Variants in NKAIN3 observed in about 807,000 individuals in gnomAD.
NKAIN3 encodes the protein sodium/potassium-transporting ATPase subunit beta-1-interacting protein 3.
NKAIN3 carries 25 observed loss-of-function variants against 30.2 expected under a neutral mutation model. The observed-to-expected ratio is 0.83, with a 90% CI of 0.60 to 1.16. NKAIN3 has a LOEUF of 1.16. Ranked by LOEUF, NKAIN3 falls within the 50% of genes most tolerant of loss-of-function variation. NKAIN3 has a pLI of 0.00. For synonymous variants in NKAIN3, 91 were observed against 89.6 expected (o/e 1.02, Z -0.09); for missense variants, 225 against 254.1 (o/e 0.89, Z 0.78).
chr8:62,937,707 G>A (rs1035813595), intron 5 of NKAIN3, among the ~76,000 whole-genome samples: 1 of 152,040 alleles, frequency 6.6e-6, no homozygotes, highest in Non-Finnish European at 1.5e-5. Context: ...GGGGGCAAAA[G>A]GGAAGTACAG....
chr8:62,430,822 G>A (rs553093796), intron 1 of NKAIN3, among the ~76,000 whole-genome samples: 3 of 151,826 alleles, frequency 2.0e-5, no homozygotes, highest in African/African-American at 7.2e-5. Flanking sequence ...GAAGATGGTG[G>A]TCTCCACATA....
At chr8:62,765,228 T>G (rs1816794168) in intron 4 of NKAIN3, among the ~76,000 whole-genome samples, 1 of 119,122 alleles carries the variant, frequency 8.4e-6, no homozygotes, top group African/African-American at 3.4e-5. Context: ...GCCTGGGTGA[T>G]GGTGTGAGAC....
chr8:62,606,291 A>G (rs1410102234), intron 3 of NKAIN3, among the ~76,000 whole-genome samples: 1 of 152,076 alleles, frequency 6.6e-6, no homozygotes, highest in African/African-American at 2.4e-5. Context: ...TGGCCTGAAA[A>G]TATCTGTTCA....
At chr8:62,884,524 T>C (rs1821086016) in intron 4 of NKAIN3, among the ~76,000 whole-genome samples, 1 of 152,230 alleles carries the variant, frequency 6.6e-6, no homozygotes. Context: ...CCCAAAGTGC[T>C]GGGATTACAG....
chr8:62,879,792 A>G (rs763343442), intron 4 of NKAIN3, among the ~76,000 whole-genome samples: 11 of 152,284 alleles, frequency 7.2e-5, no homozygotes, highest in Non-Finnish European at 1.5e-4. Flanking sequence ...GAGAATTGCA[A>G]TATCATACAC....
chr8:62,390,369 C>A (rs13250167), intron 1 of NKAIN3, among the ~76,000 whole-genome samples: 63,830 of 152,088 alleles, frequency 0.42, 15,665 homozygotes, highest in Non-Finnish European at 0.54. Flanking sequence ...CTGCAAAGGA[C>A]ATGAGCTTGT....
At chr8:62,316,352 C>T (rs888212119) in intron 1 of NKAIN3, among the ~76,000 whole-genome samples, 1 of 151,964 alleles carries the variant, frequency 6.6e-6, no homozygotes, top group Non-Finnish European at 1.5e-5. Flanking sequence ...CATATATATA[C>T]TTGTGCCATG....
chr8:62,660,131 G>A (rs1354691828), intron 3 of NKAIN3, among the ~76,000 whole-genome samples: 1 of 152,116 alleles, frequency 6.6e-6, no homozygotes, highest in East Asian at 1.9e-4. Context: ...AACTTGGTTG[G>A]GGAGGCAACA....
At chr8:62,859,766 C>T (rs1453207345) in intron 4 of NKAIN3, among the ~76,000 whole-genome samples, 2 of 152,102 alleles carry the variant, frequency 1.3e-5, no homozygotes, top group Non-Finnish European at 2.9e-5. Flanking sequence ...GTGGGTCTCA[C>T]TCTGCTAGAT....
intron 1 of NKAIN3, among the ~76,000 whole-genome samples, chr8:62,405,760 T>C (rs960722925): frequency 6.6e-6 from 1 of 152,198 alleles, no homozygotes; most frequent in African/African-American, 2.4e-5. Flanking sequence ...TGCTTTTTTA[T>C]GTGAATAGTT....
intron 5 of NKAIN3, among the ~76,000 whole-genome samples, chr8:62,948,802 C>T (rs1458960386): frequency 6.6e-6 from 1 of 152,172 alleles, no homozygotes; most frequent in Non-Finnish European, 1.5e-5. Flanking sequence ...TCAATTTGCC[C>T]AGTTCCAACC....
intron 1 of NKAIN3, among the ~76,000 whole-genome samples, chr8:62,527,922 A>T (rs565718688): frequency 3.6e-3 from 413 of 115,930 alleles, no homozygotes; most frequent in African/African-American, 0.01. Context: ...TGTGTGACAG[A>T]GAGACAGAGA....
intron 1 of NKAIN3, among the ~76,000 whole-genome samples, chr8:62,540,686 C>T (rs1250223395): frequency 6.6e-6 from 1 of 151,916 alleles, no homozygotes; most frequent in Non-Finnish European, 1.5e-5. Context: ...CCGAAGAGCT[C>T]CCTCAATCAT....
At chr8:62,475,848 G>A (rs1806501977) in intron 1 of NKAIN3, among the ~76,000 whole-genome samples, 1 of 152,164 alleles carries the variant, frequency 6.6e-6, no homozygotes, top group Non-Finnish European at 1.5e-5. Context: ...CTAATATGAA[G>A]CACAGTGGAG....
intron 1 of NKAIN3, among the ~76,000 whole-genome samples, chr8:62,369,921 A>G (rs1192040267): frequency 1.3e-5 from 2 of 151,918 alleles, no homozygotes; most frequent in Non-Finnish European, 2.9e-5. Flanking sequence ...CCAAGATAGA[A>G]AAAAAAAGTC....
chr8:62,947,708 G>A (rs1296119943), intron 5 of NKAIN3, among the ~76,000 whole-genome samples: 1 of 152,126 alleles, frequency 6.6e-6, no homozygotes, highest in African/African-American at 2.4e-5. Context: ...GCTAGCCCTT[G>A]AACTCATCTA....
At chr8:62,274,312 G>C (rs1812866408) in intron 1 of NKAIN3, among the ~76,000 whole-genome samples, 1 of 152,034 alleles carries the variant, frequency 6.6e-6, no homozygotes, top group Non-Finnish European at 1.5e-5. Flanking sequence ...TTTTGTTACT[G>C]CCTGTGTTTC....
chr8:62,264,296 C>A (rs546488514), intron 1 of NKAIN3, among the ~76,000 whole-genome samples: 1 of 152,194 alleles, frequency 6.6e-6, no homozygotes. Context: ...TATTGTCCCA[C>A]TTTGCATGTT....
chr8:62,310,986 T>G (rs530344093), intron 1 of NKAIN3, among the ~76,000 whole-genome samples: 1 of 150,610 alleles, frequency 6.6e-6, no homozygotes, highest in Admixed American at 6.6e-5. Context: ...GAACAAATAG[T>G]GCCATACAAT....
Sources: allele counts gnomAD v4.1 joint callset (sites outside exome capture counted in the v4.1 genomes callset), GRCh38; gene constraint gnomAD v4.1.1; transcripts MANE v1.5; gene names NCBI Gene and HGNC (gene_info 2026-07-23, HGNC 2026-07-21).